The following CNGA3 variants were observed in gnomAD, a reference collection of about 807,000 sequenced individuals.
CNGA3 encodes the protein cyclic nucleotide gated channel subunit alpha 3, also known as cyclic nucleotide-gated channel alpha-3.
In CNGA3, 42 loss-of-function variants were observed where a neutral mutation model predicts 46.6. The observed-to-expected ratio is 0.90, with a 90% CI of 0.70 to 1.17. The LOEUF is 1.17. CNGA3 is among the 50% of genes most tolerant of loss of function. The probability of loss-of-function intolerance (pLI) is 0.00; values close to 1 mark genes in which losing one functional copy is unlikely to be tolerated. For missense variants in CNGA3, 893 were observed against 890.7 expected, an observed-to-expected ratio of 1.00 and a Z score of -0.03; for synonymous variants, 394 against 369.4, an observed-to-expected ratio of 1.07 and a Z score of -0.76.
At chr2:98,362,173 C>CTTTTTTTT (rs1231791527) in intron 1 of CNGA3, among the ~76,000 whole-genome samples, 2 of 89,828 alleles carry the variant, frequency 2.2e-5, no homozygotes, top group African/African-American at 4.2e-5. Flanking sequence ...CCTTTGCCCA[C>CTTTTTTTT]TTTTTTTTTT....
At chr2:98,379,195 A>G (rs1430016198) in intron 3 of CNGA3, among the ~76,000 whole-genome samples, 1 of 152,258 alleles carries the variant, frequency 6.6e-6, no homozygotes, top group Admixed American at 6.5e-5. Flanking sequence ...AGCTGTAAGC[A>G]TCTGCCTACA....
intron 1 of CNGA3, among the ~76,000 whole-genome samples, chr2:98,359,473 C>T (rs1691973475): frequency 1.3e-5 from 2 of 152,214 alleles, no homozygotes; most frequent in African/African-American, 2.4e-5. Context: ...ATGACCATTA[C>T]ATGGACCAAG....
chr2:98,351,542 A>C (rs1007449356), intron 1 of CNGA3, among the ~76,000 whole-genome samples: 1 of 151,620 alleles, frequency 6.6e-6, no homozygotes, highest in Non-Finnish European at 1.5e-5. Context: ...AATCCATTAA[A>C]CCTCTTTCTT....
chr2:98,390,340 T>G (rs1270273412), intron 6 of CNGA3, among the ~76,000 whole-genome samples: 1 of 151,712 alleles, frequency 6.6e-6, no homozygotes, highest in African/African-American at 2.4e-5. Flanking sequence ...GTAGAGACAG[T>G]GTTTCACCAT....
chr2:98,357,013 C>A (rs531622026), intron 1 of CNGA3, among the ~76,000 whole-genome samples: 1 of 152,188 alleles, frequency 6.6e-6, no homozygotes, highest in Non-Finnish European at 1.5e-5. Context: ...ACAATAAATA[C>A]GTGGCTGTTA....
chr2:98,385,165 G>T (rs995673451), intron 5 of CNGA3, among the ~76,000 whole-genome samples: 4 of 152,158 alleles, frequency 2.6e-5, no homozygotes, highest in African/African-American at 4.8e-5. Flanking sequence ...GCCAAGGCCC[G>T]TAATCCAGGG....
At chr2:98,347,937 A>C (rs1411383962) in intron 1 of CNGA3, among the ~76,000 whole-genome samples, 1 of 152,218 alleles carries the variant, frequency 6.6e-6, no homozygotes, top group Non-Finnish European at 1.5e-5. Flanking sequence ...GCGTGCGTTC[A>C]CGCTGAGAAT....
intron 3 of CNGA3, 164 bp from the exon 4 acceptor site, chr2:98,380,011 C>T: frequency 1.3e-6 from 1 of 780,958 alleles, no homozygotes; most frequent in Non-Finnish European, 2.1e-6. Flanking sequence ...AAACTTAGAC[C>T]ACAGGGCCCC....
intron 1 of CNGA3, among the ~76,000 whole-genome samples, chr2:98,360,697 CG>C (rs1279196270): frequency 2.0e-5 from 3 of 151,800 alleles, no homozygotes. Flanking sequence ...ATAATGAGGC[CG>C]GGGGGAGGTG....
At chr2:98,370,390 C>T (rs1329000876) in intron 2 of CNGA3, among the ~76,000 whole-genome samples, 2 of 152,242 alleles carry the variant, frequency 1.3e-5, no homozygotes, top group African/African-American at 4.8e-5. Flanking sequence ...CAAACTGACA[C>T]ACTCTCCCAT....
chr2:98,348,886 A>T (rs1010801006), intron 1 of CNGA3, among the ~76,000 whole-genome samples: 1 of 152,144 alleles, frequency 6.6e-6, no homozygotes, highest in Admixed American at 6.5e-5. Context: ...GGAGGTGATA[A>T]CAGAGCCCTG....
intron 7 of CNGA3, among the ~76,000 whole-genome samples, chr2:98,395,525 A>T (rs1008165340): frequency 6.6e-6 from 1 of 152,124 alleles, no homozygotes; most frequent in Non-Finnish European, 1.5e-5. Flanking sequence ...ATCCTTTTTT[A>T]AAATATGTAT....
rs748583869 is a variant in CNGA3, at chr2:98,396,233, A to T, written c.1063A>T (p.Ser355Cys). 1 of 1,614,120 alleles carries T rather than the reference A, an allele frequency of 6.2e-7. No individual in the cohort carries two copies. ...HGRLSRKYIY[S>C]LYWSTLTLTT... ...GCGCCTCTCCAGGAAGTACATTTAC[A>T]GTCTCTACTGGTCCACCTTGACCCT... is the stretch of plus-strand genomic sequence containing the variant. Residue 355 changes from serine to cysteine, a missense_variant, in exon 8 of 8, where the codon AGT becomes TGT. Ser to Cys is a moderately radical substitution (Grantham distance 112, BLOSUM62 -1). Coordinates refer to ENST00000272602, the MANE Select transcript of CNGA3 (RefSeq NM_001298.3).
At chr2:98,390,439 G>T (rs936330556) in intron 6 of CNGA3, among the ~76,000 whole-genome samples, 5 of 152,022 alleles carry the variant, frequency 3.3e-5, no homozygotes, top group Non-Finnish European at 7.4e-5. Context: ...GTGAGCCACT[G>T]CTCCCGGCCT....
chr2:98,396,898 G>T lies in CNGA3; in HGVS notation c.1728G>T (p.Leu576=). 6.2e-7 allele frequency: 1 copy of T among 1,614,164 alleles called. No homozygotes were observed. The highest frequency in any genetic ancestry group is 8.5e-7 in the Non-Finnish European group (1 of 1,180,040). ...ANIRSIGYSD[L]FCLSKDDLME... ...TCCGCAGCATTGGCTACTCAGACCT[G>T]TTCTGCCTCTCAAAGGACGATCTCA... Residue 576 remains leucine, a synonymous_variant, in exon 8 of 8, where the codon CTG becomes CTT. Transcript: ENST00000272602.
intron 6 of CNGA3, among the ~76,000 whole-genome samples, chr2:98,390,550 G>T (rs1692761231): frequency 6.6e-6 from 1 of 152,188 alleles, no homozygotes; most frequent in Admixed American, 6.5e-5. Flanking sequence ...GGGGAAGCCA[G>T]GGGCCTGGGC....
chr2:98,393,887 C>T (rs987458253), intron 7 of CNGA3, among the ~76,000 whole-genome samples: 1 of 151,822 alleles, frequency 6.6e-6, no homozygotes, highest in African/African-American at 2.4e-5. Context: ...GATCAAGGCC[C>T]TCAGTAACGC....
rs143440312 is a variant in CNGA3 at position 98,395,761 on chromosome 2, G to A, written c.674-83G>A. 834 of 1,126,826 alleles carry A rather than the reference G, an allele frequency of 7.4e-4. 6 individuals are homozygous for A. In the African/African-American group the frequency reaches 0.011, roughly 14 times the overall value. 69.8% of individuals were successfully genotyped at this position (1,126,826 alleles called of 1,614,324 possible). ...ATGTATCACTGCATACTGTGTAGCC[G>A]TGAGGTAAAATATGTTTCTTTGTAC... On this transcript the variant is annotated intron_variant, in intron 7 of 7. Coordinates refer to ENST00000272602, the MANE Select transcript of CNGA3 (RefSeq NM_001298.3).
At chr2:98,388,605 T>C (rs963997482) in intron 5 of CNGA3, among the ~76,000 whole-genome samples, 1 of 152,056 alleles carries the variant, frequency 6.6e-6, no homozygotes, top group African/African-American at 2.4e-5. Flanking sequence ...GTAAAGAGAG[T>C]TGCTTGTCTG....
Sources: allele counts gnomAD v4.1 joint callset (sites outside exome capture counted in the v4.1 genomes callset), GRCh38; gene constraint gnomAD v4.1.1; transcripts MANE v1.5; gene names NCBI Gene and HGNC (gene_info 2026-07-23, HGNC 2026-07-21).